Variants in PAMR1 observed in about 807,000 individuals in gnomAD.
PAMR1 encodes peptidase domain containing associated with muscle regeneration 1.
In PAMR1, 88 loss-of-function variants were observed where a neutral mutation model predicts 81.8. The ratio of observed to expected loss-of-function variants is 1.08; its 90% CI spans 0.91 to 1.28. PAMR1 has a LOEUF of 1.28. Ranked by LOEUF, PAMR1 falls within the 50% of genes most tolerant of loss-of-function variation. PAMR1 has a pLI of 0.00. For missense variants in PAMR1, 935 were observed against 919.7 expected (o/e 1.02, Z -0.21); for synonymous variants, 336 against 345.3 (o/e 0.97, Z 0.30).
chr11:35,494,565 C>T (rs978015471), intron 1 of PAMR1, among the ~76,000 whole-genome samples: 1 of 152,172 alleles, frequency 6.6e-6, no homozygotes, highest in South Asian at 2.1e-4. Context: ...GATTTCCTCA[C>T]CTCGTGATCC....
chr11:35,515,697 C>T (rs1851150100), intron 1 of PAMR1, among the ~76,000 whole-genome samples: 7 of 152,170 alleles, frequency 4.6e-5, no homozygotes. Flanking sequence ...GAACCTGCCA[C>T]CAGCCCTATT....
At chr11:35,441,075 G>A (rs1856154717) in intron 7 of PAMR1, among the ~76,000 whole-genome samples, 2 of 152,114 alleles carry the variant, frequency 1.3e-5, no homozygotes. Context: ...AGGCTGGCAG[G>A]GATGATGTGT....
At chr11:35,513,725 C>T (rs879378969) in intron 1 of PAMR1, among the ~76,000 whole-genome samples, 30 of 152,182 alleles carry the variant, frequency 2.0e-4, no homozygotes, top group Non-Finnish European at 3.2e-4. Flanking sequence ...TCATTTACAA[C>T]ACACTCCCCA....
intron 1 of PAMR1, among the ~76,000 whole-genome samples, chr11:35,502,269 T>C (rs78162704): frequency 0.025 from 3,848 of 152,282 alleles, 81 homozygotes; most frequent in Non-Finnish European, 0.039. Context: ...AATTAATTTT[T>C]AAGTTCTGGG....
intron 4 of PAMR1, among the ~76,000 whole-genome samples, chr11:35,471,773 C>T (rs1478035224): frequency 6.6e-6 from 1 of 152,138 alleles, no homozygotes; most frequent in Non-Finnish European, 1.5e-5. Flanking sequence ...GCAGCCACAT[C>T]CCAGGGCAAG....
intron 8 of PAMR1, 74 bp from the exon 9 acceptor site, chr11:35,436,209 C>T: frequency 7.0e-6 from 6 of 857,880 alleles, no homozygotes; most frequent in Non-Finnish European, 3.9e-6. Context: ...AGCATTCATG[C>T]CATGTCCCAT....
At chr11:35,502,502 C>T (rs1204279400) in intron 1 of PAMR1, among the ~76,000 whole-genome samples, 1 of 147,452 alleles carries the variant, frequency 6.8e-6, no homozygotes, top group Non-Finnish European at 1.5e-5. Context: ...TAAGTGAGAA[C>T]ATGCAGTGTT....
rs1565323765 is a variant in PAMR1, at chr11:35,435,917, G to A, written c.1319C>T (p.Pro440Leu). Residue 440 changes from proline (P) to leucine (L), a missense_variant, in exon 9 of 11, where the codon CCA becomes CTA. Physicochemically the swap from Pro to Leu is moderately conservative, Grantham distance 98. Coordinates refer to ENST00000619888, the MANE Select transcript of PAMR1 (RefSeq NM_001001991.3). Reference sequence around the variant, plus strand: ...CCTTGACTCACTAGGGATGCAGGATGGTGCCCGCCCACTCCACTTCCCAGT... The same window carrying A: ...CCTTGACTCACTAGGGATGCAGGATAGTGCCCGCCCACTCCACTTCCCAGT... ...LRTGKWSGRA[P>L]SCIPICGKIE... is the part of the protein sequence containing the mutation. 1 of 1,613,294 alleles carries A rather than the reference G, an allele frequency of 6.2e-7. No individual in the cohort carries two copies. The highest frequency in any genetic ancestry group is 2.2e-5 in the East Asian group (1 of 44,850).
chr11:35,513,283 A>G (rs1421160158), intron 1 of PAMR1: 1 of 152,212 alleles, frequency 6.6e-6, no homozygotes, highest in African/African-American at 2.4e-5. Flanking sequence ...ATCTCATTTA[A>G]TCCTTACAAC....
intron 1 of PAMR1, among the ~76,000 whole-genome samples, chr11:35,494,708 A>G (rs941763406): frequency 3.3e-5 from 5 of 152,224 alleles, no homozygotes; most frequent in African/African-American, 1.2e-4. Context: ...CCCTGCCCGA[A>G]TGAGAAAGAA....
Position 35,439,540 on chromosome 11 carries a change from T to C in PAMR1, c.1100+87A>G, listed in dbSNP as rs754733144. The C allele has an allele frequency of 1.2e-4, 126 of 1,093,926 alleles. No homozygotes were observed. The highest frequency in any genetic ancestry group is 6.1e-4 in the Middle Eastern group (3 of 4,888). The allele number at this position is 1,093,926 out of a possible 1,614,324, so 67.8% of individuals were successfully genotyped here. A position where few individuals can be genotyped will look rare whatever the true frequency, so the allele number is the denominator to read the frequency against. On this transcript the variant is annotated intron_variant, in intron 8 of 10. Coordinates refer to ENST00000619888, the MANE Select transcript of PAMR1 (RefSeq NM_001001991.3). ...TCCCTAAGAAACCTCAAACTGACTA[T>C]CTTTGGCCAAACACAAGTGGGGAAG...
At chr11:35,436,621 C>T (rs540853635) in intron 8 of PAMR1, among the ~76,000 whole-genome samples, 1 of 151,368 alleles carries the variant, frequency 6.6e-6, no homozygotes, top group South Asian at 2.1e-4. Flanking sequence ...CTCTGTTTCT[C>T]TCTTTCTGTC....
At chr11:35,470,535 AC>A (rs1856833479) in intron 5 of PAMR1, 65 bp downstream of exon 5, 2 of 1,188,254 alleles carry the variant, frequency 1.7e-6, no homozygotes, top group African/African-American at 3.0e-5. Flanking sequence ...AAAGGAAGGG[AC>A]ATGGAAAGGA....
In PAMR1 at chr11:35,432,866, G is replaced by T; in HGVS notation, c.1653C>A (p.Asn551Lys). ...CAGCATCAAGCAGGATGGGGTCATA[G>T]TTGGGATGCAGAATGATAGCAGAAA... is the stretch of plus-strand genomic sequence containing the variant. ...LQISAIILHP[N>K]YDPILLDADI... The change falls in exon 11 of 11, where the codon AAC (asparagine) becomes AAA (lysine). Residue 551 changes from asparagine (N) to lysine (K), a missense_variant. By Grantham distance (94) the Asn-to-Lys change is moderately conservative. Transcript: ENST00000619888. 1 of 1,589,204 alleles carries T rather than the reference G, an allele frequency of 6.3e-7. No homozygotes were observed. Among genetic ancestry groups the T allele is most frequent in the Non-Finnish European group, 8.5e-7 (1 of 1,172,974 alleles).
chr11:35,455,751 C>T (rs1230059821), intron 6 of PAMR1, among the ~76,000 whole-genome samples: 2 of 152,058 alleles, frequency 1.3e-5, no homozygotes, highest in Non-Finnish European at 2.9e-5. Context: ...CTGTGCCCAG[C>T]TGAATAAGCC....
chr11:35,479,747 T>G (rs1305506603), intron 3 of PAMR1, among the ~76,000 whole-genome samples: 9 of 152,234 alleles, frequency 5.9e-5, no homozygotes, highest in Non-Finnish European at 1.2e-4. Context: ...GAAGGGGCTC[T>G]GGGGCTGGCT....
At chr11:35,454,024 A>ACCTTTCTT (rs1856474363) in intron 6 of PAMR1, among the ~76,000 whole-genome samples, 1 of 152,162 alleles carries the variant, frequency 6.6e-6, no homozygotes, top group Non-Finnish European at 1.5e-5. Flanking sequence ...TTAAAGAAAG[A>ACCTTTCTT]CCTTTCTTAT....
intron 6 of PAMR1, chr11:35,451,773 G>C: frequency 1.8e-6 from 1 of 552,244 alleles, no homozygotes. Context: ...CATGAGGGTG[G>C]AGCCCTCATG....
At chr11:35,482,560 C>A (rs1850416330) in intron 3 of PAMR1, among the ~76,000 whole-genome samples, 2 of 152,110 alleles carry the variant, frequency 1.3e-5, no homozygotes, top group Non-Finnish European at 2.9e-5. Context: ...TAATTTTTTT[C>A]TAATTCTGTG....
Sources: allele counts gnomAD v4.1 joint callset (sites outside exome capture counted in the v4.1 genomes callset), GRCh38; gene constraint gnomAD v4.1.1; transcripts MANE v1.5; gene names NCBI Gene and HGNC (gene_info 2026-07-23, HGNC 2026-07-21).